ANKS1B: variants seen among roughly 807,000 people sequenced by gnomAD.
ANKS1B encodes ankyrin repeat and sterile alpha motif domain-containing protein 1B.
A neutral mutation model predicts 148.3 loss-of-function variants in ANKS1B; 36 were observed. The observed-to-expected ratio is 0.24, with a 90% confidence interval of 0.19 to 0.32. ANKS1B has a LOEUF of 0.32. Ranked by LOEUF, ANKS1B falls within the 10% of genes least tolerant of loss-of-function variation. The pLI, the probability that ANKS1B is intolerant of heterozygous loss-of-function variation, is 1.00. For synonymous variants in ANKS1B, 542 were observed against 560.8 expected, an observed-to-expected ratio of 0.97 and a Z score of 0.47; for missense variants, 1,157 against 1,542.6, an observed-to-expected ratio of 0.75 and a Z score of 4.19.
At chr12:99,068,527 A>G (rs1420341543) in intron 16 of ANKS1B, among the ~76,000 whole-genome samples, 2 of 152,210 alleles carry the variant, frequency 1.3e-5, no homozygotes, top group Non-Finnish European at 2.9e-5. Flanking sequence ...GTATACAAAG[A>G]TAAGTGCCAG....
At chr12:99,819,680 T>C (rs1037140262) in intron 2 of ANKS1B, among the ~76,000 whole-genome samples, 2 of 151,808 alleles carry the variant, frequency 1.3e-5, no homozygotes, top group Non-Finnish European at 1.5e-5. Flanking sequence ...AACATTAAAC[T>C]TAAGAAGAAA....
intron 12 of ANKS1B, among the ~76,000 whole-genome samples, chr12:99,367,822 T>A (rs1012018056): frequency 6.6e-6 from 1 of 151,826 alleles, no homozygotes; most frequent in East Asian, 1.9e-4. Flanking sequence ...AAAAGAAAAT[T>A]CTTAAAAATG....
rs150297102 is a variant in ANKS1B at position 99,537,171 on chromosome 12, G to A, written c.1273-32530C>T. ...TTTATCCATTCATCTGTTGATGGAC[G>A]CTTTGGTTGCTTCCAAATCTTAGCT... On this transcript the variant is annotated intron_variant, in intron 9 of 26. Coordinates refer to ENST00000683438, the MANE Select transcript of ANKS1B (RefSeq NM_001352186.2). Among the ~76,000 whole-genome samples, 289 of 152,114 alleles carry A rather than the reference G, an allele frequency of 1.9e-3. 1 individual carries two copies. The highest frequency in any genetic ancestry group is 6.7e-3 in the African/African-American group (279 of 41,526).
intron 1 of ANKS1B, among the ~76,000 whole-genome samples, chr12:99,838,671 C>G (rs1474762885): frequency 6.6e-6 from 1 of 151,992 alleles, no homozygotes; most frequent in African/African-American, 2.4e-5. Flanking sequence ...TGTTTCTAGC[C>G]TTGGTACCAT....
rs193068227 is a variant in ANKS1B at position 98,760,849 on chromosome 12, C to T, written c.3580-9327G>A. ...TTAACTTATAGACATGCAGTCAATC[C>T]GCTCTTGTAGCTGTGCAAAGTTTGA... On this transcript the variant is annotated intron_variant, in intron 25 of 26. Transcript: ENST00000683438. Among the ~76,000 whole-genome samples, 6 of 152,280 alleles carry T rather than the reference C, an allele frequency of 3.9e-5. No individual in the cohort carries two copies. The South Asian group carries it at 6.2e-4, about 16-fold the overall frequency.
At chr12:98,755,218 A>G (rs1039248079) in intron 25 of ANKS1B, among the ~76,000 whole-genome samples, 50 of 152,314 alleles carry the variant, frequency 3.3e-4, no homozygotes, top group African/African-American at 9.9e-4. Flanking sequence ...TGCCTCTCCT[A>G]TTAACATCCC....
At chr12:99,701,881 T>C (rs1369373169) in intron 8 of ANKS1B, among the ~76,000 whole-genome samples, 1 of 152,148 alleles carries the variant, frequency 6.6e-6, no homozygotes, top group African/African-American at 2.4e-5. Context: ...TCTCACTTTT[T>C]ATGTCTGCAT....
At chr12:99,755,862 G>A (rs555187977) in intron 8 of ANKS1B, among the ~76,000 whole-genome samples, 1 of 152,044 alleles carries the variant, frequency 6.6e-6, no homozygotes, top group South Asian at 2.1e-4. Context: ...GATCAAAGAA[G>A]GGCATTACAT....
At chr12:99,930,564 C>T (rs1410048194) in intron 1 of ANKS1B, among the ~76,000 whole-genome samples, 1 of 152,250 alleles carries the variant, frequency 6.6e-6, no homozygotes, top group Non-Finnish European at 1.5e-5. Flanking sequence ...AGAGGGCATC[C>T]CTGTCTTGTG....
intron 12 of ANKS1B, among the ~76,000 whole-genome samples, chr12:99,268,775 A>G (rs554944086): frequency 2.0e-5 from 3 of 152,364 alleles, no homozygotes; most frequent in Non-Finnish European, 1.5e-5. Flanking sequence ...ATTTGGAAGC[A>G]CAAACTGCAA....
At chr12:98,943,278 A>G (rs1409477185) in intron 17 of ANKS1B, among the ~76,000 whole-genome samples, 1 of 152,244 alleles carries the variant, frequency 6.6e-6, no homozygotes, top group African/African-American at 2.4e-5. Flanking sequence ...AGGATGTTCC[A>G]AACTCAAGGC....
At chr12:99,862,817 C>G (rs1603384061) in intron 1 of ANKS1B, among the ~76,000 whole-genome samples, 1 of 152,084 alleles carries the variant, frequency 6.6e-6, no homozygotes. Context: ...AATGCAAAAT[C>G]TAGGGAGGGG....
chr12:99,085,150 T>G (rs2051200166), intron 15 of ANKS1B, 127 bp from the exon 16 acceptor site: 1 of 766,388 alleles, frequency 1.3e-6, no homozygotes, highest in African/African-American at 1.7e-5. Context: ...CATAGAGTCA[T>G]TCTTCCGTGA....
chr12:99,052,748 A>AAAAAAAAAAAG (rs2099967048), intron 17 of ANKS1B, among the ~76,000 whole-genome samples: 2 of 144,560 alleles, frequency 1.4e-5, no homozygotes, highest in East Asian at 2.4e-4. Flanking sequence ...AAAAAAAAAA[A>AAAAAAAAAAAG]AAAAAAAAAA....
At chr12:99,821,708 T>A (rs894966088) in intron 2 of ANKS1B, among the ~76,000 whole-genome samples, 1 of 152,024 alleles carries the variant, frequency 6.6e-6, no homozygotes, top group African/African-American at 2.4e-5. Context: ...GCCCAAGATA[T>A]CCTGCCCATT....
intron 12 of ANKS1B, among the ~76,000 whole-genome samples, chr12:99,279,055 C>A (rs544223131): frequency 6.6e-6 from 1 of 152,182 alleles, no homozygotes; most frequent in African/African-American, 2.4e-5. Context: ...CAGAATGGTG[C>A]CTGAAATGGT....
intron 11 of ANKS1B, among the ~76,000 whole-genome samples, chr12:99,437,971 T>G (rs375574515): frequency 1.7e-4 from 26 of 152,106 alleles, no homozygotes; most frequent in African/African-American, 5.5e-4. Context: ...TGAAGGTCTC[T>G]GCCCTCATAA....
intron 10 of ANKS1B, among the ~76,000 whole-genome samples, chr12:99,488,368 C>T (rs879743087): frequency 6.6e-6 from 1 of 151,992 alleles, no homozygotes; most frequent in Non-Finnish European, 1.5e-5. Flanking sequence ...CTCTTTTTTC[C>T]AAGAACTAGG....
In ANKS1B at chr12:99,984,827, C is replaced by T. The variant is rs2095754718; in HGVS notation, c.-590G>A. Among the ~76,000 whole-genome samples the T allele has an allele frequency of 2.1e-5, 3 of 145,794 alleles. No homozygotes were observed. The highest frequency in any genetic ancestry group is 2.0e-4 in the Admixed American group (3 of 14,678). ...CCGAGGCAGGGCGGTGGGGGGCAGCCGCAGCGGGCGCGTGCCGAGGGCGGC... is the reference window on the plus strand; with the variant it reads ...CCGAGGCAGGGCGGTGGGGGGCAGCTGCAGCGGGCGCGTGCCGAGGGCGGC... On this transcript the variant is annotated 5_prime_UTR_variant, in exon 1 of 27. Transcript: ENST00000683438.
Sources: gnomAD v4.1 joint callset for allele counts (sites outside exome capture counted in the v4.1 genomes callset) on GRCh38, gnomAD v4.1.1 for gene constraint, MANE v1.5 for transcripts, NCBI Gene and HGNC (gene_info 2026-07-23, HGNC 2026-07-21) for gene names.